Variants in PPP2R3B observed in about 807,000 individuals in gnomAD.
The protein encoded by PPP2R3B is serine/threonine-protein phosphatase 2A regulatory subunit B'' subunit beta.
A neutral mutation model predicts 72.9 loss-of-function variants in PPP2R3B; 68 were observed. That is an observed-to-expected ratio of 0.93 (90% CI 0.77 to 1.14). PPP2R3B has a LOEUF of 1.14. Among genes scored for constraint, PPP2R3B ranks in the 50% most tolerant of loss-of-function variants. The pLI is 0.00. For synonymous variants in PPP2R3B, 466 were observed against 375.8 expected (o/e 1.24, Z -2.78); for missense variants, 1,018 against 842.0 (o/e 1.21, Z -2.59).
chrX:375,776 G>A (rs900557840), intron 1 of PPP2R3B, among the ~76,000 whole-genome samples: 8 of 97,496 alleles, frequency 8.2e-5, no homozygotes, highest in African/African-American at 3.2e-4. Context: ...CAACGGGCGC[G>A]ATCCTCACAC....
At chrX:376,636 T>C (rs1318379550) in intron 1 of PPP2R3B, among the ~76,000 whole-genome samples, 4 of 63,436 alleles carry the variant, frequency 6.3e-5, no homozygotes, top group Non-Finnish European at 1.3e-4. Flanking sequence ...TATACACTAC[T>C]GTATGCAGGG....
chrX:379,252 TG>T (rs1203740814), intron 1 of PPP2R3B, among the ~76,000 whole-genome samples: 1 of 151,662 alleles, frequency 6.6e-6, no homozygotes, highest in African/African-American at 2.4e-5. Flanking sequence ...TGTGTGTGTG[TG>T]TATGGACCTA....
intron 3 of PPP2R3B, 124 bp downstream of exon 3, chrX:347,466 T>C (rs2071245594): frequency 7.5e-7 from 1 of 1,340,388 alleles, no homozygotes; most frequent in Non-Finnish European, 1.1e-6. Context: ...CGGCCAGGCC[T>C]GTGCCCGTAC....
intron 2 of PPP2R3B, among the ~76,000 whole-genome samples, chrX:359,488 T>C (rs1179797862): frequency 1.3e-5 from 2 of 152,234 alleles, no homozygotes; most frequent in African/African-American, 4.8e-5. Flanking sequence ...ACTAGGTAAA[T>C]ATTAGTTCTT....
chrX:352,272 A>G (rs976791762), intron 2 of PPP2R3B, among the ~76,000 whole-genome samples: 112 of 152,212 alleles, frequency 7.4e-4, no homozygotes, highest in Non-Finnish European at 1.3e-3. Context: ...ACACAGAAAG[A>G]CCGACTCCTT....
chrX:353,735 A>G (rs1443199461), intron 2 of PPP2R3B, among the ~76,000 whole-genome samples: 1 of 152,204 alleles, frequency 6.6e-6, no homozygotes, highest in Non-Finnish European at 1.5e-5. Flanking sequence ...TGGACCAGGG[A>G]CCGGGGGCTG....
At chrX:341,840 C>T (rs755790142) in intron 8 of PPP2R3B, 43 bp downstream of exon 8, 24 of 1,607,908 alleles carry the variant, frequency 1.5e-5, no homozygotes, top group East Asian at 6.7e-5. Flanking sequence ...CCGGGGTCCT[C>T]GCAGGGGCAA....
chrX:347,952 G>A (rs2071258267), intron 2 of PPP2R3B: 1 of 436,574 alleles, frequency 2.3e-6, no homozygotes, highest in African/African-American at 2.1e-5. Context: ...ACTGTAACCA[G>A]AGGCGGCTGC....
intron 12 of PPP2R3B, 23 bp downstream of exon 12, chrX:338,580 CA>C: frequency 6.4e-7 from 1 of 1,563,084 alleles, no homozygotes; most frequent in East Asian, 2.3e-5. Context: ...CCCGTCCCCC[CA>C]CTCACCCGTC....
Position 341,105 on chromosome X carries a change from G to A in PPP2R3B, c.1176-165C>T, listed in dbSNP as rs1335264941. 23 of 620,854 alleles carry A rather than the reference G, an allele frequency of 3.7e-5. 1 individual carries two copies. Among genetic ancestry groups the A allele is most frequent in the South Asian group, 7.1e-5 (1 of 13,994 alleles). 38.5% of individuals were successfully genotyped at this position (620,854 alleles called of 1,614,324 possible). On this transcript the variant is annotated intron_variant, in intron 9 of 12. Coordinates refer to ENST00000390665, the MANE Select transcript of PPP2R3B (RefSeq NM_013239.5). ...GCCCCCTGCCGCCCCCACCGGGCGC[G>A]CACGCGTCCCCCTGTGCCGTGCAGC...
intron 1 of PPP2R3B, among the ~76,000 whole-genome samples, chrX:384,420 C>A (rs1041225170): frequency 6.6e-6 from 1 of 151,698 alleles, no homozygotes; most frequent in African/African-American, 2.4e-5. Context: ...CCTCAGCCTC[C>A]TGAGTAGCTG....
At chrX:337,660 G>A (rs906101532) in intron 12 of PPP2R3B, 31 of 152,324 alleles carry the variant, frequency 2.0e-4, no homozygotes, top group African/African-American at 7.2e-4. Flanking sequence ...ACACCAGAAT[G>A]GCCCCGACAG....
Position 346,168 on chromosome X carries a change from C to G in PPP2R3B, c.879+6G>C, listed in dbSNP as rs1353598348. Reference sequence around the variant, plus strand: ...AGGGGGCAGGGGACAGGGGGCCGCTCCGCACCTGCAGGAAGGAGCTCCTCC... The same window carrying G: ...AGGGGGCAGGGGACAGGGGGCCGCTGCGCACCTGCAGGAAGGAGCTCCTCC... On this transcript the variant is annotated splice_donor_region_variant and intron_variant, in intron 6 of 12. Transcript: ENST00000390665. 1.9e-6 allele frequency: 3 copies of G among 1,551,042 alleles called. No individual in the cohort carries two copies. Among genetic ancestry groups the G allele is most frequent in the Non-Finnish European group, 2.6e-6 (3 of 1,151,264 alleles).
At chrX:350,790 G>A (rs1284651222) in intron 2 of PPP2R3B, among the ~76,000 whole-genome samples, 7 of 152,212 alleles carry the variant, frequency 4.6e-5, no homozygotes, top group Admixed American at 2.0e-4. Context: ...AGCGGCCCAC[G>A]GGGCGGCTGA....
At chrX:373,899 C>G (rs778109172) in intron 1 of PPP2R3B, 11 of 153,416 alleles carry the variant, frequency 7.2e-5, no homozygotes, top group African/African-American at 2.6e-4. Context: ...GACCCGGCTG[C>G]TCCCGGCGCT....
At chrX:383,837 C>CA (rs757960788) in intron 1 of PPP2R3B, among the ~76,000 whole-genome samples, 3,603 of 45,474 alleles carry the variant, frequency 0.079, 637 homozygotes, top group East Asian at 0.12. Flanking sequence ...GACTCCGTCT[C>CA]AAAAAAAAAA....
intron 7 of PPP2R3B, among the ~76,000 whole-genome samples, chrX:344,388 A>G (rs943586575): frequency 1.3e-5 from 2 of 152,216 alleles, no homozygotes; most frequent in Non-Finnish European, 2.9e-5. Context: ...GGCCACGAGA[A>G]GGTCCCGCAG....
intron 2 of PPP2R3B, among the ~76,000 whole-genome samples, chrX:348,184 A>G (rs2071262889): frequency 6.6e-6 from 1 of 152,200 alleles, no homozygotes; most frequent in Non-Finnish European, 1.5e-5. Flanking sequence ...TCTACCCCAA[A>G]GGAACAAATA....
At chrX:358,823 G>GT (rs1460683913) in intron 2 of PPP2R3B, among the ~76,000 whole-genome samples, 1 of 115,858 alleles carries the variant, frequency 8.6e-6, no homozygotes, top group Non-Finnish European at 2.1e-5. Context: ...GCGGCACCAC[G>GT]GTGGGGGGAG....
Sources: gnomAD v4.1 joint callset for allele counts (sites outside exome capture counted in the v4.1 genomes callset) on GRCh38, gnomAD v4.1.1 for gene constraint, MANE v1.5 for transcripts, NCBI Gene and HGNC (gene_info 2026-07-23, HGNC 2026-07-21) for gene names.